Variants in SORCS1 observed in about 807,000 individuals in gnomAD.
SORCS1 encodes the protein VPS10 domain-containing receptor SorCS1.
In SORCS1, 60 loss-of-function variants were observed where a neutral mutation model predicts 146.1. That is an observed-to-expected ratio of 0.41 (90% CI 0.33 to 0.51). The LOEUF (loss-of-function observed/expected upper bound fraction) is 0.51. SORCS1 is among the 20% of genes least tolerant of loss of function. The pLI is 0.21. For synonymous variants in SORCS1, 637 were observed against 584.0 expected (o/e 1.09, Z -1.31); for missense variants, 1,352 against 1,487.6 (o/e 0.91, Z 1.50).
intron 1 of SORCS1, among the ~76,000 whole-genome samples, chr10:107,110,282 T>C (rs1244911524): frequency 6.6e-6 from 1 of 152,198 alleles, no homozygotes; most frequent in Admixed American, 6.5e-5. Flanking sequence ...CGATTTTCTA[T>C]ATTAGGCCAT....
In SORCS1 at chr10:106,574,677, C is replaced by G. The variant is rs187299534; in HGVS notation, c.*2743G>C. On this transcript the variant is annotated 3_prime_UTR_variant, in exon 26 of 26. Transcript: ENST00000263054. ...ATGGATCCAGAATCTGGATCTCTAACTAGCCCAAGTGATAGTGATACTGCT... is the reference window on the plus strand; with the variant it reads ...ATGGATCCAGAATCTGGATCTCTAAGTAGCCCAAGTGATAGTGATACTGCT... The G allele has an allele frequency of 2.0e-5, 3 of 152,274 alleles. No individual in the cohort carries two copies. Among genetic ancestry groups the G allele is most frequent in the Non-Finnish European group, 4.4e-5 (3 of 68,014 alleles). 9.4% of individuals were successfully genotyped at this position (152,274 alleles called of 1,614,324 possible).
chr10:107,006,487 C>T (rs1300250328), intron 1 of SORCS1, among the ~76,000 whole-genome samples: 1 of 152,144 alleles, frequency 6.6e-6, no homozygotes, highest in African/African-American at 2.4e-5. Context: ...TTCTGGAAGG[C>T]AAAAGAAATT....
In SORCS1 at chr10:106,709,235, A is replaced by G. The variant is rs190157850; in HGVS notation, c.1131T>C (p.Tyr377=). ...GGATTTTTCCTACCTGAACAAACACATAATGATCCTGAACAATCAAAGAGT... is the reference window on the plus strand; with the variant it reads ...GGATTTTTCCTACCTGAACAAACACGTAATGATCCTGAACAATCAAAGAGT... ...DPDSLIVQDH[Y]VFVQLTSGGR... Residue 377 remains tyrosine, a synonymous_variant, in exon 7 of 26, where the codon TAT becomes TAC. Coordinates refer to ENST00000263054, the MANE Select transcript of SORCS1 (RefSeq NM_052918.5). 7.1e-5 allele frequency: 114 copies of G among 1,612,878 alleles called. No homozygotes were observed. Among genetic ancestry groups the G allele is most frequent in the Non-Finnish European group, 9.0e-5 (106 of 1,179,142 alleles).
intron 7 of SORCS1, among the ~76,000 whole-genome samples, chr10:106,708,835 T>G (rs78821881): frequency 3.7e-4 from 56 of 152,268 alleles, no homozygotes; most frequent in African/African-American, 1.3e-3. Context: ...GCTGACCCTT[T>G]CCCAGATAGA....
rs1186195484 is a variant in SORCS1, at chr10:106,960,833, C to T, written c.559-4253G>A. Among the ~76,000 whole-genome samples, 1 of 152,054 alleles carries T rather than the reference C, an allele frequency of 6.6e-6. No individual in the cohort carries two copies. The highest frequency in any genetic ancestry group is 6.6e-5 in the Admixed American group (1 of 15,266). On this transcript the variant is annotated intron_variant, in intron 1 of 25. Transcript: ENST00000263054. The surrounding 1 kb of genome is among the most constrained non-coding windows in gnomAD (Gnocchi z 4.4). ...TTCTGTGCAGGAATGGGAGAGGGTCCAAGGGAGTGGGCAAGGGCTTCTTCT... is the reference window on the plus strand; with the variant it reads ...TTCTGTGCAGGAATGGGAGAGGGTCTAAGGGAGTGGGCAAGGGCTTCTTCT...
chr10:106,699,390 T>C lies in SORCS1; in HGVS notation c.1237A>G (p.Met413Val), dbSNP rs371709758. Residue 413 changes from methionine to valine, a missense_variant, in exon 9 of 26, where the codon ATG becomes GTG. Transcript: ENST00000263054. ...TTCTCATCGGTGCTGATAACATGCA[T>C]GTCCTGTGAAAAGACACAAGGTCGT... ...KLPKYALPKDMHVISTDENQV... is the reference protein window; with the variant it reads ...KLPKYALPKDVHVISTDENQV... 1.9e-6 allele frequency: 3 copies of C among 1,609,012 alleles called. No individual in the cohort carries two copies. The highest frequency in any genetic ancestry group is 1.3e-5 in the African/African-American group (1 of 74,834).
intron 4 of SORCS1, among the ~76,000 whole-genome samples, chr10:106,769,861 G>A (rs577067662): frequency 3.0e-4 from 45 of 152,254 alleles, no homozygotes; most frequent in African/African-American, 9.9e-4. Flanking sequence ...TTCAGAGGCC[G>A]AGGCGGATCA....
At chr10:106,909,853 C>T (rs562848129) in intron 2 of SORCS1, among the ~76,000 whole-genome samples, 4 of 152,118 alleles carry the variant, frequency 2.6e-5, no homozygotes, top group African/African-American at 9.7e-5. Flanking sequence ...ACCTATCCAC[C>T]CAATATGATT....
chr10:106,842,920 T>C (rs1041670629), intron 2 of SORCS1, among the ~76,000 whole-genome samples: 2 of 152,162 alleles, frequency 1.3e-5, no homozygotes, highest in African/African-American at 4.8e-5. Context: ...GCCCTTACTG[T>C]TGAGTTTTAA....
chr10:106,580,438 C>A (rs1844836012), intron 24 of SORCS1, among the ~76,000 whole-genome samples: 1 of 152,192 alleles, frequency 6.6e-6, no homozygotes, highest in South Asian at 2.1e-4. Flanking sequence ...CACAGTCAAA[C>A]CTGTTGTACC....
chr10:106,833,785 T>TATG (rs1442519745), intron 2 of SORCS1, among the ~76,000 whole-genome samples: 1 of 50,016 alleles, frequency 2.0e-5, no homozygotes, highest in Non-Finnish European at 4.2e-5. Flanking sequence ...TTTCTTTTGT[T>TATG]ATTATTATTA....
intron 2 of SORCS1, among the ~76,000 whole-genome samples, chr10:106,877,121 A>G (rs1208367676): frequency 6.6e-6 from 1 of 152,210 alleles, no homozygotes; most frequent in African/African-American, 2.4e-5. Flanking sequence ...TTAATGTCTG[A>G]AAATCTTTAG....
the SORCS1 span, among the ~76,000 whole-genome samples, chr10:107,181,119 T>C: frequency 6.6e-6 from 1 of 152,178 alleles, no homozygotes; most frequent in Non-Finnish European, 1.5e-5. Flanking sequence ...GAGTGTGTGA[T>C]GAGTGAATGT....
At position 106,960,699 on chromosome 10, in the gene SORCS1, C is replaced by T. The variant is rs900691218; in HGVS notation, c.559-4119G>A. ...TACAGGCGTGAGCCACTGCGCCCAG[C>T]CAGTCCATACTTAGAGAGAGGATGC... is the stretch of plus-strand genomic sequence containing the variant. On this transcript the variant is annotated intron_variant, in intron 1 of 25. Coordinates refer to ENST00000263054, the MANE Select transcript of SORCS1 (RefSeq NM_052918.5). The surrounding 1 kb of genome is among the most constrained non-coding windows in gnomAD (Gnocchi z 4.4). 1.3e-5 allele frequency among the ~76,000 whole-genome samples: 2 copies of T among 152,178 alleles called. No homozygotes were observed. Among genetic ancestry groups the T allele is most frequent in the South Asian group, 2.1e-4 (1 of 4,828 alleles).
At chr10:106,620,284 C>T in intron 20 of SORCS1, 144 bp downstream of exon 20, 2 of 986,646 alleles carry the variant, frequency 2.0e-6, no homozygotes, top group East Asian at 2.8e-5. Context: ...TGATGAGATA[C>T]TTGAGCACCA....
At position 106,730,040 on chromosome 10, in the gene SORCS1, AT is replaced by A; in HGVS notation, c.1024+9del. On this transcript the variant is annotated intron_variant, in intron 6 of 25. Coordinates refer to ENST00000263054, the MANE Select transcript of SORCS1 (RefSeq NM_052918.5). ...TACTATGAGTATTGCGGCAAAGTTG[AT>A]TTACTTACGACCATCCACAGTTCTG... The A allele has an allele frequency of 6.2e-7, 1 of 1,614,070 alleles. No individual in the cohort carries two copies. The highest frequency in any genetic ancestry group is 8.5e-7 in the Non-Finnish European group (1 of 1,179,936).
At chr10:107,109,742 T>C (rs1230235807) in intron 1 of SORCS1, among the ~76,000 whole-genome samples, 1 of 152,230 alleles carries the variant, frequency 6.6e-6, no homozygotes, top group Non-Finnish European at 1.5e-5. Context: ...AGAAAGCTTA[T>C]CCTTTCTGTG....
chr10:106,917,858 C>G (rs1952519642), intron 2 of SORCS1, among the ~76,000 whole-genome samples: 1 of 152,214 alleles, frequency 6.6e-6, no homozygotes, highest in Non-Finnish European at 1.5e-5. Context: ...AAATATCTGT[C>G]AGCTCCTATG....
chr10:106,895,748 A>G (rs1173138849), intron 2 of SORCS1, among the ~76,000 whole-genome samples: 2 of 152,212 alleles, frequency 1.3e-5, no homozygotes, highest in African/African-American at 2.4e-5. Flanking sequence ...AATTAAAAAT[A>G]GAATTGCCAT....
Sources: gnomAD v4.1 joint callset for allele counts (sites outside exome capture counted in the v4.1 genomes callset) on GRCh38, gnomAD v4.1.1 for gene constraint, Gnocchi (gnomAD v3.1) non-coding constraint, MANE v1.5 for transcripts, NCBI Gene and HGNC (gene_info 2026-07-23, HGNC 2026-07-21) for gene names.